POLR3A: variants seen among roughly 807,000 people sequenced by gnomAD.
The protein encoded by POLR3A is DNA-directed RNA polymerase III subunit RPC1.
In POLR3A, 112 loss-of-function variants were observed where a neutral mutation model predicts 152.8. The ratio of observed to expected loss-of-function variants is 0.73; its 90% CI spans 0.63 to 0.86. The LOEUF (loss-of-function observed/expected upper bound fraction) is 0.86. Among genes scored for constraint, POLR3A ranks in the 40% least tolerant of loss-of-function variants. The pLI is 0.00. For missense variants in POLR3A, 1,385 were observed against 1,743.1 expected (o/e 0.79, Z 3.66); for synonymous variants, 615 against 652.1 (o/e 0.94, Z 0.87).
chr10:78,009,679 A>AG lies in POLR3A; in HGVS notation c.1771-5dup, dbSNP rs544204280. 5.3e-5 allele frequency: 85 copies of AG among 1,614,000 alleles called. No homozygotes were observed. In the African/African-American group the frequency reaches 7.5e-4, roughly 14 times the overall value. On this transcript the variant is annotated splice_region_variant and splice_polypyrimidine_tract_variant and intron_variant, in intron 13 of 30. Coordinates refer to ENST00000372371, the MANE Select transcript of POLR3A (RefSeq NM_007055.4). Reference sequence around the variant, plus strand: ...TTCCCGTCCACAGGGTGACAGGCTGAGGGGGGGAGGAAGCCTGAGAGTCAG... The same window carrying AG: ...TTCCCGTCCACAGGGTGACAGGCTGAGGGGGGGGAGGAAGCCTGAGAGTCAG...
chr10:78,009,658 C>T lies in POLR3A; in HGVS notation c.1788G>A (p.Thr596=), dbSNP rs372065442. 7.4e-6 allele frequency: 12 copies of T among 1,614,120 alleles called. No homozygotes were observed. Among genetic ancestry groups the T allele is most frequent in the East Asian group, 2.2e-5 (1 of 44,860 alleles). ...GGATGACACTGAAGATCTGCTTTCC[C>T]GTCCACAGGGTGACAGGCTGAGGGG... The part of the protein sequence containing the change: ...PTILKPVTLW[T]GKQIFSVILR... Residue 596 remains threonine, a synonymous_variant, in exon 14 of 31, where the codon ACG becomes ACA. Coordinates refer to ENST00000372371, the MANE Select transcript of POLR3A (RefSeq NM_007055.4).
chr10:78,008,849 G>GAA (rs57285474), intron 14 of POLR3A, among the ~76,000 whole-genome samples: 4 of 119,020 alleles, frequency 3.4e-5, no homozygotes, highest in Admixed American at 8.9e-5. Flanking sequence ...GTTTGTCTTT[G>GAA]AAAAAAAAAA....
rs41274610 is a variant in POLR3A, at chr10:78,021,981, G to A, written c.927C>T (p.Asp309=). ...CACACTGCAGCTGCAGGAAATCCCA[G>A]TCCTCCATGATCATCTGGGTCTTGG... ...SGAKTQMIME[D]WDFLQLQCAL... The change falls in exon 7 of 31, where the codon GAC becomes GAT. Residue 309 remains aspartate, a synonymous_variant. Transcript: ENST00000372371. 4.3e-3 allele frequency: 6,911 copies of A among 1,614,146 alleles called. 25 individuals are homozygous for A. Among genetic ancestry groups the A allele is most frequent in the Non-Finnish European group, 5.4e-3 (6,396 of 1,180,026 alleles).
intron 8 of POLR3A, chr10:78,020,244 G>C (rs957835014): frequency 7.9e-5 from 12 of 151,766 alleles, no homozygotes; most frequent in African/African-American, 2.7e-4. Flanking sequence ...TCAGTGACTT[G>C]GGAGGCTAAG....
At chr10:77,985,815 G>C in intron 23 of POLR3A, 88 bp downstream of exon 23, 6 of 962,918 alleles carry the variant, frequency 6.2e-6, no homozygotes, top group South Asian at 2.6e-5. Context: ...CAAGTGAGCT[G>C]GTGCAGGGTT....
intron 9 of POLR3A, among the ~76,000 whole-genome samples, chr10:78,018,122 GC>G (rs1449526806): frequency 6.7e-6 from 1 of 149,200 alleles, no homozygotes; most frequent in Non-Finnish European, 1.5e-5. Flanking sequence ...ACTGCAGTGA[GC>G]CATGATTGTG....
In POLR3A at chr10:78,029,359, C is replaced by G; in HGVS notation, c.44+5G>C. On this transcript the variant is annotated splice_donor_5th_base_variant and intron_variant, in intron 1 of 30. Coordinates refer to ENST00000372371, the MANE Select transcript of POLR3A (RefSeq NM_007055.4). ...AGCCCTTTGGCCACTCTTACTCCGT[C>G]TTACATTTTCTTGGCCACATCCGTC... The G allele has an allele frequency of 1.2e-6, 2 of 1,614,140 alleles. No individual in the cohort carries two copies. Among genetic ancestry groups the G allele is most frequent in the Non-Finnish European group, 1.7e-6 (2 of 1,180,012 alleles).
chr10:78,027,926 G>A (rs533632316), intron 1 of POLR3A, among the ~76,000 whole-genome samples: 1 of 152,258 alleles, frequency 6.6e-6, no homozygotes, highest in Admixed American at 6.5e-5. Context: ...TCTGTTTTGT[G>A]AGAATGTATT....
chr10:78,022,811 A>G (rs887013754), intron 5 of POLR3A, among the ~76,000 whole-genome samples: 5 of 152,104 alleles, frequency 3.3e-5, no homozygotes, highest in East Asian at 1.9e-4. Context: ...ATTGGGGGGA[A>G]AAAAAGATAC....
intron 19 of POLR3A, among the ~76,000 whole-genome samples, chr10:77,994,641 T>C (rs1044384355): frequency 4.6e-5 from 7 of 152,026 alleles, no homozygotes; most frequent in South Asian, 2.1e-4. Flanking sequence ...AACAAAGCCT[T>C]GAAGAAATAT....
At position 78,025,051 on chromosome 10, in the gene POLR3A, A is replaced by G; in HGVS notation, c.410T>C (p.Leu137Pro). 1 of 1,614,160 alleles carries G rather than the reference A, an allele frequency of 6.2e-7. No homozygotes were observed. The highest frequency in any genetic ancestry group is 8.5e-7 in the Non-Finnish European group (1 of 1,180,022). ...TTTCTTTTTCAGTCCTCGCTTCTGA[A>G]GGTAGGTCAGGCCGGGCCTCTTTAG... Reference protein sequence around the residue: ...DYLKRPGLTYLQKRGLKKKIS... With the variant: ...DYLKRPGLTYPQKRGLKKKIS... Residue 137 changes from leucine to proline, a missense_variant, in exon 4 of 31, where the codon CTT becomes CCT. By Grantham distance (98) the Leu-to-Pro change is moderately conservative (BLOSUM62 -3). Transcript: ENST00000372371.
In POLR3A at chr10:78,002,402, C is replaced by T. The variant is rs1847366027; in HGVS notation, c.2248-94G>A. ...TAACATTTAAAGAAATTTGAAAATA[C>T]TGAGGCAAGATGCCCGATTTCCGAT... On this transcript the variant is annotated intron_variant, in intron 16 of 30. Transcript: ENST00000372371. The T allele has an allele frequency of 1.1e-5, 10 of 900,728 alleles. No homozygotes were observed. The East Asian group carries it at 2.6e-4, about 24-fold the overall frequency. The allele number at this position is 900,728 out of a possible 1,614,324, so 55.8% of individuals were successfully genotyped here.
rs954146619 is a variant in POLR3A at position 78,024,930 on chromosome 10, T to G, written c.490+41A>C. The G allele has an allele frequency of 5.0e-6, 8 of 1,602,954 alleles. No individual in the cohort carries two copies. The African/African-American group carries it at 8.0e-5, about 16-fold the overall frequency. On this transcript the variant is annotated intron_variant, in intron 4 of 30. Transcript: ENST00000372371. ...AATAAACTAAACAGAAGACAGTGAG[T>G]GAAAAGGGCTATTGCTTAGCCTTCT...
intron 25 of POLR3A, 26 bp downstream of exon 25, chr10:77,984,179 T>G (rs1438445852): frequency 2.0e-6 from 3 of 1,474,964 alleles, no homozygotes; most frequent in Non-Finnish European, 2.8e-6. Flanking sequence ...CTAGTTTTCT[T>G]GTTATCAATA....
chr10:78,013,942 T>C (rs78049591), intron 10 of POLR3A, 152 bp from the exon 11 acceptor site: 10 of 902,726 alleles, frequency 1.1e-5, no homozygotes. Context: ...GTGATATATA[T>C]CATTTAGGAC....
intron 14 of POLR3A, among the ~76,000 whole-genome samples, chr10:78,008,168 G>A (rs773467658): frequency 1.3e-5 from 2 of 152,110 alleles, no homozygotes; most frequent in Non-Finnish European, 2.9e-5. Context: ...TCATCTTTAT[G>A]TTATGGGATA....
intron 24 of POLR3A, 89 bp downstream of exon 24, chr10:77,985,058 TTAAGACACAGTCCTATGAGGATA>T: frequency 1.0e-6 from 1 of 995,184 alleles, no homozygotes; most frequent in Non-Finnish European, 1.6e-6. Flanking sequence ...CACCCAGAGT[TTAAGACACAGTCCTATGAGGATA>T]TCACACATAT....
chr10:78,005,105 G>C (rs142887687), intron 15 of POLR3A, among the ~76,000 whole-genome samples: 60 of 152,314 alleles, frequency 3.9e-4, no homozygotes, highest in African/African-American at 1.3e-3. Context: ...AAAATGACTA[G>C]GACTCAACTG....
intron 10 of POLR3A, 67 bp from the exon 11 acceptor site, chr10:78,013,857 T>C: frequency 6.3e-7 from 1 of 1,598,862 alleles, no homozygotes. Flanking sequence ...CTTCTCTGTT[T>C]TGAAACATTA....
Sources: gnomAD v4.1 joint callset for allele counts (sites outside exome capture counted in the v4.1 genomes callset) on GRCh38, gnomAD v4.1.1 for gene constraint, MANE v1.5 for transcripts, NCBI Gene and HGNC (gene_info 2026-07-23, HGNC 2026-07-21) for gene names.